HOMER2: variants seen among roughly 807,000 people sequenced by gnomAD.
HOMER2 encodes the protein homer scaffold protein 2.
A neutral mutation model predicts 47.0 loss-of-function variants in HOMER2; 27 were observed. The observed-to-expected ratio is 0.57, with a 90% CI of 0.42 to 0.79. The LOEUF (loss-of-function observed/expected upper bound fraction) is 0.79, where lower values mean the gene tolerates loss of function less well. Among genes scored for constraint, HOMER2 ranks in the 30% least tolerant of loss-of-function variants. The pLI is 0.00. For synonymous variants in HOMER2, 161 were observed against 163.8 expected (o/e 0.98, Z 0.13); for missense variants, 443 against 435.0 (o/e 1.02, Z -0.16).
At chr15:82,875,696 C>G (rs542904237) in intron 2 of HOMER2, among the ~76,000 whole-genome samples, 1 of 152,292 alleles carries the variant, frequency 6.6e-6, no homozygotes, top group East Asian at 1.9e-4. Flanking sequence ...GAATAGTTTC[C>G]CAAACTGCTA....
chr15:82,853,017 C>CTTT (rs911859919), intron 6 of HOMER2, among the ~76,000 whole-genome samples: 39 of 152,236 alleles, frequency 2.6e-4, no homozygotes, highest in African/African-American at 9.4e-4. Flanking sequence ...ACATGCAACA[C>CTTT]AAAAGCACTG....
At chr15:82,907,195 A>C (rs540355967) in intron 1 of HOMER2, among the ~76,000 whole-genome samples, 1 of 152,222 alleles carries the variant, frequency 6.6e-6, no homozygotes, top group African/African-American at 2.4e-5. Context: ...GTCTCTACTA[A>C]AAATACAAAA....
intron 1 of HOMER2, among the ~76,000 whole-genome samples, chr15:82,929,497 A>G (rs1476228452): frequency 6.6e-6 from 1 of 151,788 alleles, no homozygotes; most frequent in African/African-American, 2.4e-5. Context: ...CTCTACTAAA[A>G]ATACAAAAAT....
intron 7 of HOMER2, 24 bp downstream of exon 7, chr15:82,852,118 C>G (rs745438718): frequency 6.4e-7 from 1 of 1,568,196 alleles, no homozygotes; most frequent in Non-Finnish European, 8.8e-7. Flanking sequence ...GCCAAGGGGC[C>G]CTGCTCGGAG....
chr15:82,862,189 C>T (rs576432534), intron 4 of HOMER2, among the ~76,000 whole-genome samples: 5 of 151,796 alleles, frequency 3.3e-5, no homozygotes, highest in South Asian at 2.1e-4. Flanking sequence ...AGGTGTGAGC[C>T]GCTGTACCCA....
chr15:82,948,235 C>CA (rs1323653904), intron 1 of HOMER2, among the ~76,000 whole-genome samples: 1 of 151,908 alleles, frequency 6.6e-6, no homozygotes, highest in Non-Finnish European at 1.5e-5. Context: ...ACTAAAAATA[C>CA]AAAAAATTAG....
intron 1 of HOMER2, among the ~76,000 whole-genome samples, chr15:82,903,575 C>A (rs1010107255): frequency 3.9e-5 from 6 of 152,028 alleles, no homozygotes; most frequent in Non-Finnish European, 8.8e-5. Flanking sequence ...GCCGAGATTG[C>A]GCCATTGCAC....
At chr15:82,898,229 C>G (rs529161615) in intron 1 of HOMER2, among the ~76,000 whole-genome samples, 4 of 152,320 alleles carry the variant, frequency 2.6e-5, no homozygotes, top group Admixed American at 2.0e-4. Flanking sequence ...TTCTGCTTCA[C>G]TTGAGAAAGC....
At chr15:82,881,466 C>A (rs1303666657) in intron 2 of HOMER2, among the ~76,000 whole-genome samples, 1 of 152,154 alleles carries the variant, frequency 6.6e-6, no homozygotes, top group African/African-American at 2.4e-5. Context: ...AGACATGTTG[C>A]CTGCTCCAAG....
At chr15:82,979,035 A>G (rs1221412437) in intron 1 of HOMER2, among the ~76,000 whole-genome samples, 6 of 152,194 alleles carry the variant, frequency 3.9e-5, no homozygotes, top group Admixed American at 6.5e-5. Context: ...TGACAGTTTT[A>G]TAAGGGGCTT....
upstream of HOMER2, among the ~76,000 whole-genome samples, chr15:82,957,048 G>A (rs1470284039): frequency 3.9e-5 from 6 of 152,142 alleles, no homozygotes; most frequent in Non-Finnish European, 5.9e-5. Context: ...AGGCTGAGCC[G>A]GGTAGATCAC....
At chr15:82,958,040 T>C (rs935401133), downstream of HOMER2, 4 of 152,316 alleles carry the variant, frequency 2.6e-5, no homozygotes, top group African/African-American at 7.2e-5. Flanking sequence ...GGTTTCACCA[T>C]GTTGGCCAGG....
chr15:82,961,331 G>C (rs760858041), intron 1 of HOMER2, among the ~76,000 whole-genome samples: 1 of 152,224 alleles, frequency 6.6e-6, no homozygotes. Context: ...CTTCCCGTGC[G>C]CAGGTTGGGG....
chr15:82,892,720 T>C lies in HOMER2; in HGVS notation c.127A>G (p.Asn43Asp). Residue 43 changes from asparagine (N) to aspartate (D), a missense_variant, in exon 2 of 9, where the codon AAC (asparagine) becomes GAC (aspartate). Coordinates refer to ENST00000450735, the MANE Select transcript of HOMER2 (RefSeq NM_004839.4). ...TCCACACTGATGATCCGATAGCTGT[T>C]CCTTGTGACATCATAGAAGTAGGAA... Reference protein sequence around the residue: ...TVSYFYDVTRNSYRIISVDGA... With the variant: ...TVSYFYDVTRDSYRIISVDGA... The C allele has an allele frequency of 1.2e-6, 2 of 1,602,798 alleles. No homozygotes were observed. The highest frequency in any genetic ancestry group is 1.7e-6 in the Non-Finnish European group (2 of 1,171,980).
chr15:82,979,026 G>C (rs1488504684), intron 1 of HOMER2, among the ~76,000 whole-genome samples: 2 of 152,188 alleles, frequency 1.3e-5, no homozygotes, highest in African/African-American at 4.8e-5. Flanking sequence ...GCCACGATCT[G>C]ACAGTTTTAT....
exon 2 of HOMER2, chr15:82,842,934 T>TC (rs1461181835): frequency 1.4e-4 from 21 of 152,032 alleles, no homozygotes; most frequent in African/African-American, 5.1e-4. Context: ...CTTGCTCTGT[T>TC]CCCCAGGCTG....
intron 1 of HOMER2, among the ~76,000 whole-genome samples, chr15:82,981,614 T>C (rs777879390): frequency 1.3e-5 from 2 of 152,216 alleles, no homozygotes; most frequent in African/African-American, 2.4e-5. Context: ...GAAACTCAAG[T>C]GTCCATTAAT....
At position 82,899,895 on chromosome 15, in the gene HOMER2, A is replaced by C. The variant is rs576271255; in HGVS notation, c.6-7054T>G. On this transcript the variant is annotated intron_variant, in intron 1 of 8. Coordinates refer to ENST00000450735, the MANE Select transcript of HOMER2 (RefSeq NM_004839.4). Reference sequence around the variant, plus strand: ...AAATTAGCTGGGTGTGGTGGTGGGCACCTGTAATCCCAGCTACTTGGGAGG... The same window carrying C: ...AAATTAGCTGGGTGTGGTGGTGGGCCCCTGTAATCCCAGCTACTTGGGAGG... 2.6e-5 allele frequency among the ~76,000 whole-genome samples: 4 copies of C among 152,208 alleles called. No individual in the cohort carries two copies. The East Asian group carries it at 7.7e-4, about 29-fold the overall frequency.
At chr15:82,870,727 C>T (rs190485485) in intron 3 of HOMER2, among the ~76,000 whole-genome samples, 15 of 152,278 alleles carry the variant, frequency 9.9e-5, no homozygotes, top group Non-Finnish European at 1.6e-4. Flanking sequence ...AATGTTCTTA[C>T]GATACTGAGT....
Sources: allele counts gnomAD v4.1 joint callset (sites outside exome capture counted in the v4.1 genomes callset), GRCh38; gene constraint gnomAD v4.1.1; transcripts MANE v1.5; gene names NCBI Gene and HGNC (gene_info 2026-07-23, HGNC 2026-07-21).